Variants in GFPT1 observed in about 807,000 individuals in gnomAD.
The protein encoded by GFPT1 is glutamine--fructose-6-phosphate aminotransferase [isomerizing] 1.
A neutral mutation model predicts 92.0 loss-of-function variants in GFPT1; 40 were observed. The ratio of observed to expected loss-of-function variants is 0.43; its 90% CI spans 0.34 to 0.57. The LOEUF (loss-of-function observed/expected upper bound fraction) is 0.57, where lower values mean the gene tolerates loss of function less well. Ranked by LOEUF, GFPT1 falls within the 20% of genes least tolerant of loss-of-function variation. The pLI, the probability that GFPT1 is intolerant of heterozygous loss-of-function variation, is 0.02. For missense variants in GFPT1, 448 were observed against 869.1 expected (o/e 0.52, Z 6.09); for synonymous variants, 269 against 280.6 (o/e 0.96, Z 0.41).
At chr2:69,364,437 A>C (rs2104667663) in intron 3 of GFPT1, among the ~76,000 whole-genome samples, 1 of 152,362 alleles carries the variant, frequency 6.6e-6, no homozygotes, top group South Asian at 2.1e-4. Context: ...CAATTAATGT[A>C]ATCTTTTAAA....
At chr2:69,369,515 T>C (rs1210929188) in intron 3 of GFPT1, among the ~76,000 whole-genome samples, 1 of 152,220 alleles carries the variant, frequency 6.6e-6, no homozygotes, top group African/African-American at 2.4e-5. Flanking sequence ...TGACAACTCC[T>C]TGTGCCAGAG....
chr2:69,336,720 C>G (rs1168650224), intron 15 of GFPT1, among the ~76,000 whole-genome samples: 3 of 151,618 alleles, frequency 2.0e-5, no homozygotes, highest in African/African-American at 7.3e-5. Flanking sequence ...GCCCATGAGT[C>G]TGAGGCTGCA....
chr2:69,369,025 A>T (rs955716022), intron 3 of GFPT1, among the ~76,000 whole-genome samples: 2 of 152,144 alleles, frequency 1.3e-5, no homozygotes, highest in African/African-American at 4.8e-5. Flanking sequence ...TCTCCCCTGA[A>T]TCTCACAGCA....
rs1201087895 is a variant in GFPT1 at position 69,356,514 on chromosome 2, C to A, written c.587G>T (p.Gly196Val). ...ALVFKSVHFP[G>V]QAVGTRRGSP... ...TATGTACCTTGTGCCAACTGCTTGC[C>A]CGGGAAAATGAACACTTTTAAACAC... Residue 196 changes from glycine to valine, a missense_variant, in exon 7 of 20, where the codon GGG (glycine) becomes GTG (valine). Physicochemically the swap from Gly to Val is moderately radical, Grantham distance 109. Transcript: ENST00000357308. 6.2e-7 allele frequency: 1 copy of A among 1,613,004 alleles called. No individual in the cohort carries two copies. The highest frequency in any genetic ancestry group is 8.5e-7 in the Non-Finnish European group (1 of 1,179,144).
chr2:69,368,960 A>G (rs1217081636), intron 3 of GFPT1, among the ~76,000 whole-genome samples: 1 of 152,152 alleles, frequency 6.6e-6, no homozygotes, highest in Non-Finnish European at 1.5e-5. Flanking sequence ...TCACTGACCA[A>G]ATATAATCAG....
chr2:69,372,528 G>A (rs1483450222), intron 2 of GFPT1, among the ~76,000 whole-genome samples: 2 of 151,020 alleles, frequency 1.3e-5, no homozygotes, highest in Non-Finnish European at 3.0e-5. Flanking sequence ...AGCCGAGATC[G>A]CACCATTGCA....
rs1318522666 is a variant in GFPT1, at chr2:69,345,893, TATGTA to T, written c.1105+6_1105+10del. On this transcript the variant is annotated splice_donor_region_variant and intron_variant, in intron 12 of 19. Coordinates refer to ENST00000357308, the MANE Select transcript of GFPT1 (RefSeq NM_001244710.2). ...GACACTGAAATAATAAAATAATTCATATGTAATTACCAGTATAGTCATCAAAGTTG... is the reference window on the plus strand; with the variant it reads ...GACACTGAAATAATAAAATAATTCATATTACCAGTATAGTCATCAAAGTTG... 7.5e-7 allele frequency: 1 copy of T among 1,326,324 alleles called. No homozygotes were observed. The highest frequency in any genetic ancestry group is 2.3e-5 in the East Asian group (1 of 43,624). The allele number at this position is 1,326,324 out of a possible 1,614,324, so 82.2% of individuals were successfully genotyped here. A position where few individuals can be genotyped will look rare whatever the true frequency, so the allele number is the denominator to read the frequency against.
intron 5 of GFPT1, 90 bp from the exon 6 acceptor site, chr2:69,358,553 T>C: frequency 1.2e-6 from 1 of 862,118 alleles, no homozygotes; most frequent in Non-Finnish European, 1.9e-6. Flanking sequence ...AAAATGCCAC[T>C]AATTTCTAAT....
intron 6 of GFPT1, 57 bp downstream of exon 6, chr2:69,358,271 CA>C (rs1671388275): frequency 6.8e-7 from 1 of 1,466,468 alleles, no homozygotes; most frequent in African/African-American, 1.4e-5. Context: ...ACTTAATTTC[CA>C]GAAAGTTTCT....
Position 69,350,202 on chromosome 2 carries a change from A to G in GFPT1, c.740-19T>C, listed in dbSNP as rs1313356554. 1 of 1,473,274 alleles carries G rather than the reference A, an allele frequency of 6.8e-7. No homozygotes were observed. The highest frequency in any genetic ancestry group is 2.3e-5 in the East Asian group (1 of 44,200). The allele number at this position is 1,473,274 out of a possible 1,614,324, so 91.3% of individuals were successfully genotyped here. On this transcript the variant is annotated intron_variant, in intron 9 of 19. Transcript: ENST00000357308. ...TCTTTGCCTAAAGCATATAGTTAAC[A>G]TGAATTGGCAAACATGTAGAAAATC... is the stretch of plus-strand genomic sequence containing the variant.
intron 15 of GFPT1, among the ~76,000 whole-genome samples, chr2:69,335,702 T>C (rs1188663379): frequency 6.6e-6 from 1 of 152,204 alleles, no homozygotes; most frequent in Non-Finnish European, 1.5e-5. Flanking sequence ...CTGTAAATTA[T>C]AGTGTTAGCA....
At chr2:69,334,205 T>A (rs1670740821) in intron 15 of GFPT1, among the ~76,000 whole-genome samples, 1 of 152,020 alleles carries the variant, frequency 6.6e-6, no homozygotes, top group African/African-American at 2.4e-5. Flanking sequence ...TCAATACCCA[T>A]TAACATAAAA....
chr2:69,360,226 GGCT>G (rs1671434734), intron 4 of GFPT1, among the ~76,000 whole-genome samples: 1 of 151,690 alleles, frequency 6.6e-6, no homozygotes, highest in African/African-American at 2.4e-5. Context: ...CTACTTGGGA[GGCT>G]GAGGCAGGAG....
In GFPT1 at chr2:69,326,027, C is replaced by A; in HGVS notation, c.*162G>T. Reference sequence around the variant, plus strand: ...ACTGGGAAAATGTAAGAGGTAACTTCACAAAAATCACATATTGAGTGGAAT... The same window carrying A: ...ACTGGGAAAATGTAAGAGGTAACTTAACAAAAATCACATATTGAGTGGAAT... On this transcript the variant is annotated 3_prime_UTR_variant, in exon 20 of 20. Coordinates refer to ENST00000357308, the MANE Select transcript of GFPT1 (RefSeq NM_001244710.2). 1 of 582,802 alleles carries A rather than the reference C, an allele frequency of 1.7e-6. No homozygotes were observed. The highest frequency in any genetic ancestry group is 2.3e-5 in the South Asian group (1 of 43,312). 36.1% of individuals were successfully genotyped at this position (582,802 alleles called of 1,614,324 possible).
rs1670401130 is a variant in GFPT1 at position 69,321,437 on chromosome 2, C to T, written c.*4752G>A. On this transcript the variant is annotated 3_prime_UTR_variant, in exon 20 of 20. Coordinates refer to ENST00000357308, the MANE Select transcript of GFPT1 (RefSeq NM_001244710.2). ...TTACAACTAAAGTAGACATTGATTA[C>T]ATTCTTAGTACAATACAATTTCTAA... 1 of 152,210 alleles carries T rather than the reference C, an allele frequency of 6.6e-6. No individual in the cohort carries two copies. The highest frequency in any genetic ancestry group is 2.4e-5 in the African/African-American group (1 of 41,458). The allele number at this position is 152,210 out of a possible 1,614,324, so 9.4% of individuals were successfully genotyped here.
intron 4 of GFPT1, among the ~76,000 whole-genome samples, chr2:69,359,918 A>T (rs1671425514): frequency 1.3e-5 from 2 of 152,236 alleles, no homozygotes; most frequent in South Asian, 2.1e-4. Context: ...ATTCCAAGAG[A>T]AAATAGACAT....
At chr2:69,359,735 A>T (rs2104658235) in intron 4 of GFPT1, among the ~76,000 whole-genome samples, 1 of 152,342 alleles carries the variant, frequency 6.6e-6, no homozygotes, top group East Asian at 1.9e-4. Flanking sequence ...CTTGAGTAAA[A>T]GTTTAAAGAG....
At chr2:69,382,107 G>A (rs1312629787) in intron 1 of GFPT1, among the ~76,000 whole-genome samples, 1 of 151,592 alleles carries the variant, frequency 6.6e-6, no homozygotes, top group Non-Finnish European at 1.5e-5. Context: ...CAAGTGATTC[G>A]CCCACCTCAG....
In GFPT1 at chr2:69,321,061, G is replaced by A. The variant is rs1670392457; in HGVS notation, c.*5128C>T. The A allele has an allele frequency of 6.6e-6, 1 of 152,206 alleles. No homozygotes were observed. Among genetic ancestry groups the A allele is most frequent in the Admixed American group, 6.5e-5 (1 of 15,284 alleles). The allele number at this position is 152,206 out of a possible 1,614,324, so 9.4% of individuals were successfully genotyped here. ...AAAAGGATTCTGTAAGGGAAACTTT[G>A]CTCTATAATTAACAGAGAGCCAGAT... On this transcript the variant is annotated 3_prime_UTR_variant, in exon 20 of 20. Coordinates refer to ENST00000357308, the MANE Select transcript of GFPT1 (RefSeq NM_001244710.2).
Sources: gnomAD v4.1 joint callset for allele counts (sites outside exome capture counted in the v4.1 genomes callset) on GRCh38, gnomAD v4.1.1 for gene constraint, MANE v1.5 for transcripts, NCBI Gene and HGNC (gene_info 2026-07-23, HGNC 2026-07-21) for gene names.